CEP164: variants seen among roughly 807,000 people sequenced by gnomAD.
The protein encoded by CEP164 is centrosomal protein of 164 kDa.
In CEP164, 162 loss-of-function variants were observed where a neutral mutation model predicts 182.7. That is an observed-to-expected ratio of 0.89 (90% CI 0.78 to 1.01). The LOEUF (loss-of-function observed/expected upper bound fraction) is 1.01, where lower values mean the gene tolerates loss of function less well. Ranked by LOEUF, CEP164 falls within the 50% of genes least tolerant of loss-of-function variation. The pLI is 0.00. For synonymous variants in CEP164, 661 were observed against 690.0 expected (o/e 0.96, Z 0.66); for missense variants, 1,735 against 1,790.4 (o/e 0.97, Z 0.56).
In CEP164 at chr11:117,411,691, TGAGA is replaced by T. The variant is rs1181254737; in HGVS notation, c.4164-101_4164-98del. 5 of 1,498,028 alleles carry T rather than the reference TGAGA, an allele frequency of 3.3e-6. No individual in the cohort carries two copies. The highest frequency in any genetic ancestry group is 1.4e-5 in the African/African-American group (1 of 72,170). The allele number at this position is 1,498,028 out of a possible 1,614,324, so 92.8% of individuals were successfully genotyped here. On this transcript the variant is annotated intron_variant, in intron 31 of 32. Transcript: ENST00000278935. This position sits in a 1 kb window ranked among gnomAD's most constrained non-coding sequence, Gnocchi z 4.4. ...ACCTCGGAGAAGCTGCTCTGGTAGC[TGAGA>T]GAAAGAGGGAGGAGGTGACAGATGT...
intron 17 of CEP164, among the ~76,000 whole-genome samples, chr11:117,391,574 A>G (rs1267701161): frequency 6.6e-6 from 1 of 152,032 alleles, no homozygotes; most frequent in Non-Finnish European, 1.5e-5. Flanking sequence ...AAAGAGATTT[A>G]GCCAGACCAG....
At chr11:117,397,380 C>A in intron 27 of CEP164, 67 bp downstream of exon 27, 1 of 1,432,132 alleles carries the variant, frequency 7.0e-7, no homozygotes, top group Non-Finnish European at 9.5e-7. Flanking sequence ...GCAAAACAGT[C>A]CTTTGGGCTC....
At chr11:117,401,074 A>G (rs1018454992) in intron 27 of CEP164, among the ~76,000 whole-genome samples, 2 of 152,232 alleles carry the variant, frequency 1.3e-5, no homozygotes, top group African/African-American at 4.8e-5. Flanking sequence ...CGGTTTTCAA[A>G]GGGAATGCTT....
intron 28 of CEP164, 35 bp downstream of exon 28, chr11:117,408,067 T>G: frequency 2.1e-6 from 3 of 1,451,250 alleles, no homozygotes; most frequent in South Asian, 1.2e-5. Context: ...CAGTGGGCCC[T>G]GGCCTTCCTC....
At chr11:117,346,734 T>C (rs1017334385) in intron 4 of CEP164, among the ~76,000 whole-genome samples, 1 of 151,964 alleles carries the variant, frequency 6.6e-6, no homozygotes, top group African/African-American at 2.4e-5. Flanking sequence ...GGTGATGACA[T>C]GCACCTTTAG....
rs753500709 is a variant in CEP164, at chr11:117,392,564, C to T, written c.2430C>T (p.Cys810=). 6.2e-7 allele frequency: 1 copy of T among 1,614,142 alleles called. No homozygotes were observed. Among genetic ancestry groups the T allele is most frequent in the South Asian group, 1.1e-5 (1 of 91,082 alleles). ...QQKEEAQLQK[C]LGQVEHRVHQ... is the part of the protein sequence containing the mutation. ...AAGAGGAGGCCCAGCTGCAGAAGTG[C>T]CTTGGGCAAGTGGAGCACAGAGTTC... The change falls in exon 19 of 33, where the codon TGC becomes TGT. Residue 810 remains cysteine (C), a synonymous_variant. Transcript: ENST00000278935.
intron 11 of CEP164, among the ~76,000 whole-genome samples, chr11:117,378,235 C>T (rs918479886): frequency 1.4e-4 from 21 of 152,162 alleles, no homozygotes; most frequent in African/African-American, 2.2e-4. Flanking sequence ...TACAGAAGAT[C>T]CAAGTTCTCA....
At chr11:117,383,619 T>C (rs2043595099) in intron 14 of CEP164, among the ~76,000 whole-genome samples, 1 of 152,256 alleles carries the variant, frequency 6.6e-6, no homozygotes, top group South Asian at 2.1e-4. Flanking sequence ...TTAGAAATCA[T>C]TTAGCTTTTC....
Position 117,412,182 on chromosome 11 carries a change from G to C in CEP164, c.*14G>C, listed in dbSNP as rs778907677. The C allele has an allele frequency of 1.9e-6, 3 of 1,611,102 alleles. No homozygotes were observed. Among genetic ancestry groups the C allele is most frequent in the East Asian group, 4.5e-5 (2 of 44,852 alleles). On this transcript the variant is annotated 3_prime_UTR_variant, in exon 33 of 33. Coordinates refer to ENST00000278935, the MANE Select transcript of CEP164 (RefSeq NM_014956.5). ...TATCGCTTCTGAGGCCCTGAGCAGG[G>C]GCTTGGGGCAGCCCAGCCTCTCCTC...
At chr11:117,363,740 A>G (rs1392894731) in intron 8 of CEP164, among the ~76,000 whole-genome samples, 1 of 146,960 alleles carries the variant, frequency 6.8e-6, no homozygotes, top group Non-Finnish European at 1.5e-5. Context: ...TGTTATTGTA[A>G]TACCTAAAAC....
chr11:117,409,698 A>G lies in CEP164; in HGVS notation c.3829A>G (p.Ser1277Gly), dbSNP rs761590496. The change falls in exon 30 of 33, where the codon AGT (serine) becomes GGT (glycine). Residue 1277 changes from serine to glycine, a missense_variant. By Grantham distance (56) the Ser-to-Gly change is moderately conservative (BLOSUM62 0). Transcript: ENST00000278935. The surrounding 1 kb of genome is among the most constrained non-coding windows in gnomAD (Gnocchi z 4.4). ...SLRQISSQLSSVLSILDSLNP... is the reference protein window; with the variant it reads ...SLRQISSQLSGVLSILDSLNP... ...CCGGCAGATCAGCAGCCAGCTGAGC[A>G]GTGTCCTCAGCATCCTGGACAGCCT... is the stretch of plus-strand genomic sequence containing the variant. 1.2e-6 allele frequency: 2 copies of G among 1,614,158 alleles called. No individual in the cohort carries two copies. The highest frequency in any genetic ancestry group is 2.2e-5 in the East Asian group (1 of 44,876).
At chr11:117,395,498 TTC>T in intron 23 of CEP164, 47 bp from the exon 24 acceptor site, 1 of 1,552,276 alleles carries the variant, frequency 6.4e-7, no homozygotes, top group Non-Finnish European at 8.7e-7. Context: ...GCTCCCTGGC[TTC>T]TCTCTGTGCT....
In CEP164 at chr11:117,375,777, G is replaced by A. The variant is rs1391612587; in HGVS notation, c.1303G>A (p.Gly435Arg). ...TGATGTGCTTTCCCCAGTCCTGGGT[G>A]GAGCTTGTCGGCAGGTGAGTTTCTG... Reference protein sequence around the residue: ...DVDVLSPVLGGACRQAQQPLG... With the variant: ...DVDVLSPVLGRACRQAQQPLG... The change falls in exon 11 of 33, where the codon GGA becomes AGA. Residue 435 changes from glycine (G) to arginine (R), a missense_variant. Coordinates refer to ENST00000278935, the MANE Select transcript of CEP164 (RefSeq NM_014956.5). 2 of 1,613,964 alleles carry A rather than the reference G, an allele frequency of 1.2e-6. No individual in the cohort carries two copies. The highest frequency in any genetic ancestry group is 2.2e-5 in the East Asian group (1 of 44,882).
At chr11:117,384,439 T>G (rs2043707467) in intron 14 of CEP164, among the ~76,000 whole-genome samples, 1 of 152,154 alleles carries the variant, frequency 6.6e-6, no homozygotes. Flanking sequence ...TTCAGGATGC[T>G]TTCTGTGAGG....
intron 5 of CEP164, chr11:117,359,544 C>T (rs1010857310): frequency 1.6e-4 from 160 of 985,336 alleles, no homozygotes; most frequent in Non-Finnish European, 1.9e-4. Context: ...GGTCTGGCCC[C>T]TAGGCTGAGG....
In CEP164 at chr11:117,334,326, G is replaced by A. The variant is rs1225134973; in HGVS notation, c.-97-1279G>A. On this transcript the variant is annotated intron_variant, in intron 1 of 32. Coordinates refer to ENST00000278935, the MANE Select transcript of CEP164 (RefSeq NM_014956.5). ...CGTTCCTTTTTTCTTTAACTCATTG[G>A]CCTTTTGGACCTGTCCTTGCCCACA... is the stretch of plus-strand genomic sequence containing the variant. 3.9e-5 allele frequency among the ~76,000 whole-genome samples: 6 copies of A among 152,088 alleles called. No homozygotes were observed. In the East Asian group the frequency reaches 9.6e-4, roughly 24 times the overall value.
intron 27 of CEP164, among the ~76,000 whole-genome samples, chr11:117,407,590 C>CTACAA: frequency 6.6e-6 from 1 of 151,516 alleles, no homozygotes; most frequent in East Asian, 1.9e-4. Flanking sequence ...GAAGTTGAGG[C>CTACAA]TACAATGAGT....
At chr11:117,325,431 G>C (rs940558929), upstream of CEP164, among the ~76,000 whole-genome samples, 1 of 151,158 alleles carries the variant, frequency 6.6e-6, no homozygotes, top group Non-Finnish European at 1.5e-5. Flanking sequence ...TGTCAAACAG[G>C]GTGGAGTGCA....
rs1387838808 is a variant in CEP164 at position 117,381,829 on chromosome 11, A to G, written c.1538A>G (p.Asp513Gly). The G allele has an allele frequency of 6.5e-7, 1 of 1,537,014 alleles. No individual in the cohort carries two copies. Among genetic ancestry groups the G allele is most frequent in the Non-Finnish European group, 8.8e-7 (1 of 1,141,182 alleles). The change falls in exon 13 of 33, where the codon GAC (aspartate) becomes GGC (glycine). Residue 513 changes from aspartate (D) to glycine (G), a missense_variant. Asp to Gly is a moderately conservative substitution (Grantham distance 94). Transcript: ENST00000278935. ...AAGGAGGCAGAGGAGCTTGGGGAGG[A>G]CTCTGCAGCCAGCCTCAGCCTGCAG... ...EWKEAEELGE[D>G]SAASLSLQLS...
Sources: allele counts gnomAD v4.1 joint callset (sites outside exome capture counted in the v4.1 genomes callset), GRCh38; gene constraint gnomAD v4.1.1; non-coding constraint Gnocchi (gnomAD v3.1); transcripts MANE v1.5; gene names NCBI Gene and HGNC (gene_info 2026-07-23, HGNC 2026-07-21).